The following ERC2 variants were observed in gnomAD, a reference collection of about 807,000 sequenced individuals.
ERC2 encodes the protein ERC protein 2.
ERC2 carries 42 observed loss-of-function variants against 114.8 expected under a neutral mutation model. The observed-to-expected ratio is 0.37, with a 90% CI of 0.29 to 0.47. The LOEUF (loss-of-function observed/expected upper bound fraction) is 0.47, where lower values mean the gene tolerates loss of function less well. Ranked by LOEUF, ERC2 falls within the 20% of genes least tolerant of loss-of-function variation. ERC2 has a pLI of 0.99. For synonymous variants in ERC2, 454 were observed against 425.5 expected, an observed-to-expected ratio of 1.07 and a Z score of -0.82; for missense variants, 939 against 1,150.7, an observed-to-expected ratio of 0.82 and a Z score of 2.66.
Position 56,238,988 on chromosome 3 carries a change from A to G in ERC2, c.1074+57031T>C, listed in dbSNP as rs112666033. On this transcript the variant is annotated intron_variant, in intron 3 of 17. Coordinates refer to ENST00000288221, the MANE Select transcript of ERC2 (RefSeq NM_015576.3). ...TTGCATGCCCTATAAAAAGGATGTC[A>G]TTAAGTAAAACTATGGTTTGAAATG... 2.8e-3 allele frequency among the ~76,000 whole-genome samples: 427 copies of G among 152,314 alleles called. 1 individual carries two copies. The highest frequency in any genetic ancestry group is 9.9e-3 in the African/African-American group (413 of 41,574).
chr3:56,373,656 T>C (rs73073974), intron 2 of ERC2, among the ~76,000 whole-genome samples: 1 of 152,204 alleles, frequency 6.6e-6, no homozygotes, highest in Non-Finnish European at 1.5e-5. Flanking sequence ...ATTTTAGTCT[T>C]TGCTAGCCAA....
chr3:56,243,842 G>A (rs982961524), intron 3 of ERC2, among the ~76,000 whole-genome samples: 6 of 152,168 alleles, frequency 3.9e-5, no homozygotes, highest in Middle Eastern at 6.8e-3. Flanking sequence ...ATCTGAGAGC[G>A]AGGCAAGTTC....
intron 2 of ERC2, among the ~76,000 whole-genome samples, chr3:56,328,640 C>T (rs1560602202): frequency 6.6e-6 from 1 of 152,180 alleles, no homozygotes; most frequent in Non-Finnish European, 1.5e-5. Flanking sequence ...TACCAAGCCC[C>T]ATACATGAAT....
intron 4 of ERC2, among the ~76,000 whole-genome samples, chr3:56,156,745 T>C (rs986822634): frequency 5.3e-5 from 8 of 152,200 alleles, no homozygotes; most frequent in Non-Finnish European, 1.2e-4. Context: ...ATCATTTCCA[T>C]GTGCCTGTAA....
intron 2 of ERC2, among the ~76,000 whole-genome samples, chr3:56,343,167 TTC>T (rs1160068173): frequency 2.5e-4 from 34 of 135,278 alleles, no homozygotes; most frequent in South Asian, 4.9e-4. Flanking sequence ...CTCTCTCTCT[TTC>T]TCTCTCTCTC....
At chr3:55,816,805 A>G (rs2059920335) in intron 14 of ERC2, among the ~76,000 whole-genome samples, 1 of 152,184 alleles carries the variant, frequency 6.6e-6, no homozygotes. Flanking sequence ...AAGCAGGCAA[A>G]GCAGGCCTAA....
chr3:55,681,892 T>C (rs1205096614), intron 17 of ERC2, among the ~76,000 whole-genome samples: 11 of 152,122 alleles, frequency 7.2e-5, no homozygotes, highest in Non-Finnish European at 5.9e-5. Flanking sequence ...ATGAATCTTG[T>C]GAAAGAGCAA....
At chr3:56,340,727 A>G (rs1052892272) in intron 2 of ERC2, among the ~76,000 whole-genome samples, 1 of 152,160 alleles carries the variant, frequency 6.6e-6, no homozygotes, top group Non-Finnish European at 1.5e-5. Context: ...GAAACTTTTT[A>G]ATAGTAAAAC....
intron 3 of ERC2, among the ~76,000 whole-genome samples, chr3:56,283,105 C>G (rs1399581671): frequency 2.6e-5 from 4 of 152,204 alleles, no homozygotes; most frequent in African/African-American, 9.7e-5. Context: ...AGGGGCATCC[C>G]AACAATACCC....
intron 6 of ERC2, among the ~76,000 whole-genome samples, chr3:56,103,081 T>A (rs1490517720): frequency 3.3e-5 from 5 of 151,912 alleles, no homozygotes; most frequent in African/African-American, 7.3e-5. Flanking sequence ...CCTAAGGGGA[T>A]GCAGGATGAA....
intron 7 of ERC2, among the ~76,000 whole-genome samples, chr3:56,027,912 A>G (rs748474813): frequency 2.0e-5 from 3 of 152,304 alleles, no homozygotes; most frequent in African/African-American, 7.2e-5. Flanking sequence ...TTTTCTAACA[A>G]ATTTATACTT....
At chr3:55,778,273 T>C (rs562522004) in intron 14 of ERC2, among the ~76,000 whole-genome samples, 3 of 152,368 alleles carry the variant, frequency 2.0e-5, no homozygotes, top group Admixed American at 1.3e-4. Flanking sequence ...TCTGGAAACA[T>C]GACTTGGGTA....
intron 14 of ERC2, among the ~76,000 whole-genome samples, chr3:55,749,744 G>GCGGCGACCC (rs2066548665): frequency 6.6e-6 from 1 of 152,188 alleles, no homozygotes. Flanking sequence ...CCAGCCAGCA[G>GCGGCGACCC]CGGCAACCCA....
chr3:56,118,843 A>AACCAGGATG (rs1417123940), intron 6 of ERC2, among the ~76,000 whole-genome samples: 1 of 151,958 alleles, frequency 6.6e-6, no homozygotes, highest in Non-Finnish European at 1.5e-5. Context: ...TCACCGTGTT[A>AACCAGGATG]ACCAGGATGG....
At chr3:56,151,126 A>C (rs914634110) in intron 4 of ERC2, among the ~76,000 whole-genome samples, 12 of 152,166 alleles carry the variant, frequency 7.9e-5, no homozygotes, top group African/African-American at 2.9e-4. Context: ...CCCAGTCTAT[A>C]GTACTTTGCT....
chr3:56,242,289 G>A (rs530698878), intron 3 of ERC2, among the ~76,000 whole-genome samples: 13 of 152,170 alleles, frequency 8.5e-5, no homozygotes, highest in Admixed American at 3.9e-4. Context: ...GCATAAGAAT[G>A]ATATAATGGA....
At chr3:56,121,020 G>A (rs1333001429) in intron 6 of ERC2, among the ~76,000 whole-genome samples, 1 of 152,206 alleles carries the variant, frequency 6.6e-6, no homozygotes, top group Non-Finnish European at 1.5e-5. Context: ...TCATGCAGCT[G>A]GAAGAGCAGT....
chr3:55,574,743 C>T (rs1214484981), intron 17 of ERC2, among the ~76,000 whole-genome samples: 1 of 152,186 alleles, frequency 6.6e-6, no homozygotes, highest in Non-Finnish European at 1.5e-5. Context: ...TGAGAAGGCT[C>T]GAGTTGATCA....
At chr3:56,131,878 T>C (rs2080221320) in intron 6 of ERC2, among the ~76,000 whole-genome samples, 1 of 152,208 alleles carries the variant, frequency 6.6e-6, no homozygotes, top group Non-Finnish European at 1.5e-5. Flanking sequence ...ACATTTGTGG[T>C]GACAGATATG....
Sources: gnomAD v4.1 joint callset for allele counts (sites outside exome capture counted in the v4.1 genomes callset) on GRCh38, gnomAD v4.1.1 for gene constraint, MANE v1.5 for transcripts, NCBI Gene and HGNC (gene_info 2026-07-23, HGNC 2026-07-21) for gene names.